Variants in NDUFA9 observed in about 807,000 individuals in gnomAD.
The protein encoded by NDUFA9 is NADH dehydrogenase [ubiquinone] 1 alpha subcomplex subunit 9, mitochondrial.
NDUFA9 carries 23 observed loss-of-function variants against 45.9 expected under a neutral mutation model. The observed-to-expected ratio is 0.50, with a 90% CI of 0.36 to 0.71. The LOEUF (loss-of-function observed/expected upper bound fraction) is 0.71, where lower values mean the gene tolerates loss of function less well. Among genes scored for constraint, NDUFA9 ranks in the 30% least tolerant of loss-of-function variants. NDUFA9 has a pLI of 0.00. For missense variants in NDUFA9, 466 were observed against 488.2 expected, an observed-to-expected ratio of 0.95 and a Z score of 0.43; for synonymous variants, 176 against 170.5, an observed-to-expected ratio of 1.03 and a Z score of -0.25.
At chr12:4,668,354 A>C in intron 6 of NDUFA9, 103 bp from the exon 7 acceptor site, 1 of 948,542 alleles carries the variant, frequency 1.1e-6, no homozygotes, top group South Asian at 1.5e-5. Context: ...TACATTCATT[A>C]TATTATTTCT....
chr12:4,658,983 T>G, intron 4 of NDUFA9, 53 bp from the exon 5 acceptor site: 1,474 of 1,477,088 alleles, frequency 1.0e-3, no homozygotes, highest in Non-Finnish European at 1.2e-3. Context: ...CGTAAAGCTT[T>G]GAGATCCTGT....
chr12:4,653,629 G>T (rs1565564349), intron 1 of NDUFA9: 2 of 452,746 alleles, frequency 4.4e-6, no homozygotes, highest in Non-Finnish European at 8.8e-6. Flanking sequence ...CTTTTCTCAA[G>T]CACTTCACTC....
At chr12:4,682,399 G>A (rs1306110822) in intron 9 of NDUFA9, 99 bp downstream of exon 9, 1 of 697,606 alleles carries the variant, frequency 1.4e-6, no homozygotes, top group Non-Finnish European at 2.3e-6. Flanking sequence ...GTGAAGGGCT[G>A]GTCTCCAGAT....
At chr12:4,651,509 A>T (rs1395966979) in intron 1 of NDUFA9, among the ~76,000 whole-genome samples, 3 of 151,426 alleles carry the variant, frequency 2.0e-5, no homozygotes, top group Admixed American at 6.6e-5. Flanking sequence ...CATAATTATT[A>T]AAAAAAAACA....
intron 6 of NDUFA9, chr12:4,667,562 A>T: frequency 4.7e-6 from 1 of 211,974 alleles, no homozygotes; most frequent in Non-Finnish European, 9.4e-6. Flanking sequence ...CCCAGGCTGG[A>T]GTGCGGTGGC....
intron 4 of NDUFA9, 124 bp from the exon 5 acceptor site, chr12:4,658,912 A>T (rs1467353245): frequency 2.1e-5 from 22 of 1,042,240 alleles, no homozygotes; most frequent in Admixed American, 4.9e-5. Context: ...AAGTTAAATC[A>T]TTGCTGTTTA....
At chr12:4,658,778 C>T (rs1945806248) in intron 4 of NDUFA9, among the ~76,000 whole-genome samples, 2 of 151,874 alleles carry the variant, frequency 1.3e-5, no homozygotes, top group South Asian at 2.1e-4. Context: ...GAAATAGAGA[C>T]AGGGTTTTAC....
rs75862321 is a variant in NDUFA9 at position 4,660,113 on chromosome 12, G to C, written c.552+936G>C. On this transcript the variant is annotated intron_variant, in intron 5 of 10. Transcript: ENST00000266544. ...CTCTGGCTGAAGCCACTGGGTAGATGATAGTACTGTTGAATAAGATGGGAA... is the reference window on the plus strand; with the variant it reads ...CTCTGGCTGAAGCCACTGGGTAGATCATAGTACTGTTGAATAAGATGGGAA... 3.5e-3 allele frequency among the ~76,000 whole-genome samples: 531 copies of C among 152,304 alleles called. 2 individuals are homozygous for C. The highest frequency in any genetic ancestry group is 0.012 in the African/African-American group (511 of 41,564).
At position 4,657,756 on chromosome 12, in the gene NDUFA9, C is replaced by T. The variant is rs376631091; in HGVS notation, c.327C>T (p.Asp109=). The T allele has an allele frequency of 1.5e-5, 24 of 1,612,018 alleles. No individual in the cohort carries two copies. The highest frequency in any genetic ancestry group is 3.3e-5 in the Admixed American group (2 of 60,002). ...DLGQLLFLEW[D]ARDKDSIRRV... ...GCTTTCTGCTATTATAGGAATGGGA[C>T]GCGAGAGATAAAGATTCTATCCGAC... Residue 109 remains aspartate, a synonymous_variant, in exon 4 of 11, where the codon GAC becomes GAT. Coordinates refer to ENST00000266544, the MANE Select transcript of NDUFA9 (RefSeq NM_005002.5).
At position 4,693,930 on chromosome 12, in the gene NDUFA9, G is replaced by A. The variant is rs1228347361; in HGVS notation, c.*6822G>A. The A allele has an allele frequency of 6.6e-6, 1 of 152,136 alleles. No homozygotes were observed. The highest frequency in any genetic ancestry group is 1.5e-5 in the Non-Finnish European group (1 of 68,026). 9.4% of individuals were successfully genotyped at this position (152,136 alleles called of 1,614,324 possible). On this transcript the variant is annotated 3_prime_UTR_variant, in exon 11 of 11. Coordinates refer to ENST00000266544, the MANE Select transcript of NDUFA9 (RefSeq NM_005002.5). Reference sequence around the variant, plus strand: ...GACAGCTTTATAGCATCTGATTGGGGAAAAACACATCTTTTCTGGGGCTAG... The same window carrying A: ...GACAGCTTTATAGCATCTGATTGGGAAAAAACACATCTTTTCTGGGGCTAG...
intron 9 of NDUFA9, 42 bp downstream of exon 9, chr12:4,682,342 G>T (rs377506829): frequency 1.1e-4 from 156 of 1,428,152 alleles, no homozygotes; most frequent in Non-Finnish European, 1.5e-4. Context: ...GAAAAAGCCA[G>T]CTCCACACAC....
chr12:4,658,944 T>C (rs1319497577), intron 4 of NDUFA9, 92 bp from the exon 5 acceptor site: 12 of 1,305,452 alleles, frequency 9.2e-6, no homozygotes, highest in Non-Finnish European at 1.3e-5. Context: ...AGTGTGAATT[T>C]CAGTACTGTT....
At chr12:4,654,701 T>C (rs1403764640) in intron 2 of NDUFA9, 124 bp from the exon 3 acceptor site, 41 of 981,646 alleles carry the variant, frequency 4.2e-5, no homozygotes, top group Admixed American at 9.0e-5. Flanking sequence ...CAAAATATTC[T>C]TTTTGTCAAA....
intron 8 of NDUFA9, among the ~76,000 whole-genome samples, chr12:4,680,514 G>A (rs1171785457): frequency 2.6e-5 from 4 of 152,194 alleles, no homozygotes; most frequent in African/African-American, 9.6e-5. Context: ...TAGTGTTCCG[G>A]TTGCACTTGA....
intron 8 of NDUFA9, among the ~76,000 whole-genome samples, chr12:4,680,345 A>C (rs1945945049): frequency 6.6e-6 from 1 of 152,132 alleles, no homozygotes; most frequent in Non-Finnish European, 1.5e-5. Context: ...GGTCAACCAG[A>C]GTGAGTTTTG....
At chr12:4,660,731 G>A (rs113026354) in intron 5 of NDUFA9, among the ~76,000 whole-genome samples, 4,462 of 152,222 alleles carry the variant, frequency 0.029, 198 homozygotes, top group African/African-American at 0.1. Context: ...ACAGGAGGAA[G>A]TGAATACTTA....
intron 10 of NDUFA9, 56 bp downstream of exon 10, chr12:4,685,381 T>C: frequency 5.3e-6 from 8 of 1,516,680 alleles, no homozygotes; most frequent in Non-Finnish European, 7.3e-6. Context: ...GTTAGACTTA[T>C]TTTGCTTTGC....
chr12:4,651,687 A>G (rs1945760646), intron 1 of NDUFA9, among the ~76,000 whole-genome samples: 1 of 152,000 alleles, frequency 6.6e-6, no homozygotes, highest in South Asian at 2.1e-4. Context: ...AACTCAAGTA[A>G]TTCTTCCCAG....
chr12:4,651,281 ATTCT>A, intron 1 of NDUFA9, among the ~76,000 whole-genome samples: 1 of 152,308 alleles, frequency 6.6e-6, no homozygotes, highest in East Asian at 1.9e-4. Context: ...AAAGAATATC[ATTCT>A]TCTAATAGTA....
Sources: gnomAD v4.1 joint callset for allele counts (sites outside exome capture counted in the v4.1 genomes callset) on GRCh38, gnomAD v4.1.1 for gene constraint, MANE v1.5 for transcripts, NCBI Gene and HGNC (gene_info 2026-07-23, HGNC 2026-07-21) for gene names.